The following UBE3A variants were observed in gnomAD, a reference collection of about 807,000 sequenced individuals.
The protein encoded by UBE3A is ubiquitin-protein ligase E3A.
A neutral mutation model predicts 83.4 loss-of-function variants in UBE3A; 6 were observed. The ratio of observed to expected loss-of-function variants is 0.07; its 90% confidence interval spans 0.04 to 0.14. UBE3A has a LOEUF of 0.14. UBE3A is among the 10% of genes least tolerant of loss of function. UBE3A has a pLI of 1.00. For missense variants in UBE3A, 456 were observed against 1,036.1 expected (o/e 0.44, Z 7.69); for synonymous variants, 337 against 355.4 (o/e 0.95, Z 0.58).
In UBE3A at chr15:25,360,511, A is replaced by G; in HGVS notation, c.1625T>C (p.Met542Thr). The G allele has an allele frequency of 6.2e-7, 1 of 1,613,708 alleles. No homozygotes were observed. The highest frequency in any genetic ancestry group is 8.5e-7 in the Non-Finnish European group (1 of 1,179,916). Residue 542 changes from methionine (M) to threonine (T), a missense_variant, in exon 7 of 13, where the codon ATG (methionine) becomes ACG (threonine). Transcript: ENST00000648336. Reference sequence around the variant, plus strand: ...CTTCTTCAAGTCTGCAGGATTTTCCATAGCGATCATCTCTAGCTAGTGATT... The same window carrying G: ...CTTCTTCAAGTCTGCAGGATTTTCCGTAGCGATCATCTCTAGCTAGTGATT... Reference protein sequence around the residue: ...DALVRLEMIAMENPADLKKQL... With the variant: ...DALVRLEMIATENPADLKKQL...
At chr15:25,432,082 C>T (rs149650803) in intron 1 of UBE3A, among the ~76,000 whole-genome samples, 28 of 152,064 alleles carry the variant, frequency 1.8e-4, no homozygotes, top group Middle Eastern at 3.4e-3. Flanking sequence ...GTTGGAAGTA[C>T]GAAAGGAAGA....
At position 25,355,997 on chromosome 15, in the gene UBE3A, C is replaced by T; in HGVS notation, c.2019G>A (p.Met673Ile). The change falls in exon 9 of 13, where the codon ATG becomes ATA. Residue 673 changes from methionine (M) to isoleucine (I), a missense_variant. Transcript: ENST00000648336. Reference protein sequence around the residue: ...LEYEGNVEDDMMITFQISQTD... With the variant: ...LEYEGNVEDDIMITFQISQTD... ...TCTGTGATATCTGGAAAGTGATCAT[C>T]ATGTCATCTTCCACATTCCCTTCAT... The T allele has an allele frequency of 6.2e-7, 1 of 1,613,712 alleles. No homozygotes were observed. The highest frequency in any genetic ancestry group is 8.5e-7 in the Non-Finnish European group (1 of 1,179,784).
intron 5 of UBE3A, among the ~76,000 whole-genome samples, chr15:25,372,547 C>T (rs2152828978): frequency 6.6e-6 from 1 of 152,308 alleles, no homozygotes; most frequent in Non-Finnish European, 1.5e-5. Flanking sequence ...ATGTAGTCAT[C>T]AAAATCTATT....
chr15:25,371,604 C>A lies in UBE3A; in HGVS notation c.570G>T (p.Lys190Asn), dbSNP rs780715298. ...CAGCAGCAGAACATGCAGCTTTTTC[C>A]TTTTCATCTTCATCTTTGTCTTCAT... ...AKDEDKDEDE[K>N]EKAACSAAAM... The change falls in exon 6 of 13, where the codon AAG becomes AAT. Residue 190 changes from lysine (K) to asparagine (N), a missense_variant. By Grantham distance (94) the Lys-to-Asn change is moderately conservative (BLOSUM62 0). Coordinates refer to ENST00000648336, the MANE Select transcript of UBE3A (RefSeq NM_130839.5). The surrounding 1 kb of genome is among the most constrained non-coding windows in gnomAD (Gnocchi z 5.3). The A allele has an allele frequency of 7.4e-6, 12 of 1,613,926 alleles. No individual in the cohort carries two copies. The African/African-American group carries it at 1.6e-4, about 22-fold the overall frequency.
At chr15:25,355,011 CATACTT>C (rs1432068168) in intron 9 of UBE3A, among the ~76,000 whole-genome samples, 5 of 152,270 alleles carry the variant, frequency 3.3e-5, no homozygotes, top group Admixed American at 2.0e-4. Context: ...ACAAAACTGT[CATACTT>C]ATAAATGTCA....
chr15:25,346,868 T>C (rs546345863), intron 11 of UBE3A: 1 of 152,244 alleles, frequency 6.6e-6, no homozygotes, highest in East Asian at 1.9e-4. Context: ...TGACTCAACA[T>C]TTGTATCATT....
rs1485574838 is a variant in UBE3A, at chr15:25,395,254, T to C, written c.62+10207A>G. 2.0e-5 allele frequency among the ~76,000 whole-genome samples: 3 copies of C among 152,178 alleles called. No homozygotes were observed. In the East Asian group the frequency reaches 5.8e-4, roughly 29 times the overall value. On this transcript the variant is annotated intron_variant, in intron 4 of 12. Transcript: ENST00000648336. ...CATGTAAATCTCCAGATTTTACTTT[T>C]AAGATGGGAAGCCTCTGAAAAGTTC...
At chr15:25,389,140 C>G (rs1240808740) in intron 4 of UBE3A, among the ~76,000 whole-genome samples, 1 of 151,912 alleles carries the variant, frequency 6.6e-6, no homozygotes, top group Non-Finnish European at 1.5e-5. Flanking sequence ...GAATAGAGAG[C>G]CCAGAAATGG....
rs80152524 is a variant in UBE3A at position 25,364,632 on chromosome 15, GTTTT to G, written c.1609-4109_1609-4106del. ...TACAATACACACGTGGATTTTTAGG[GTTTT>G]TTTTGTTTGTTTTTTTTTTTTTTTT... On this transcript the variant is annotated intron_variant, in intron 6 of 12. Coordinates refer to ENST00000648336, the MANE Select transcript of UBE3A (RefSeq NM_130839.5). Among the ~76,000 whole-genome samples, 145 of 121,154 alleles carry G rather than the reference GTTTT, an allele frequency of 1.2e-3. 3 individuals carry two copies. The highest frequency in any genetic ancestry group is 3.3e-3 in the African/African-American group (92 of 27,988). The allele number at this position is 121,154 out of a possible 152,430, so 79.5% of individuals were successfully genotyped here.
chr15:25,345,385 A>T (rs1016992962), intron 11 of UBE3A, among the ~76,000 whole-genome samples: 3 of 152,164 alleles, frequency 2.0e-5, no homozygotes, highest in Admixed American at 6.5e-5. Context: ...TCAGTAATAA[A>T]AACCAAAAAA....
chr15:25,420,656 C>G (rs568282506), intron 1 of UBE3A: 1 of 152,176 alleles, frequency 6.6e-6, no homozygotes, highest in African/African-American at 2.4e-5. Flanking sequence ...CAGAAATTAC[C>G]AAGTGTTAGA....
chr15:25,349,005 A>T (rs1050683055), intron 11 of UBE3A, among the ~76,000 whole-genome samples: 2 of 152,220 alleles, frequency 1.3e-5, no homozygotes, highest in African/African-American at 4.8e-5. Flanking sequence ...AACCTAATGA[A>T]AAAGTTGTGG....
At chr15:25,385,263 C>CT (rs1486242277) in intron 4 of UBE3A, among the ~76,000 whole-genome samples, 1 of 152,094 alleles carries the variant, frequency 6.6e-6, no homozygotes, top group Non-Finnish European at 1.5e-5. Context: ...AACAAAAAAT[C>CT]TAGTTAAAAA....
intron 1 of UBE3A, among the ~76,000 whole-genome samples, chr15:25,433,421 C>T (rs11161176): frequency 0.63 from 95,225 of 151,910 alleles, 33,056 homozygotes; most frequent in Non-Finnish European, 0.78. Flanking sequence ...CTCCTGATCT[C>T]GTGATCCGCC....
chr15:25,388,728 C>G (rs2083652513), intron 4 of UBE3A, among the ~76,000 whole-genome samples: 1 of 144,440 alleles, frequency 6.9e-6, no homozygotes. Flanking sequence ...AAAAGAAAAA[C>G]AACAAAAACC....
intron 4 of UBE3A, among the ~76,000 whole-genome samples, chr15:25,399,924 G>A (rs898805666): frequency 4.6e-5 from 7 of 151,946 alleles, no homozygotes; most frequent in Admixed American, 1.3e-4. Flanking sequence ...CTGTAGCTTT[G>A]AACTATATTT....
Position 25,384,832 on chromosome 15 carries a change from C to G in UBE3A, c.63-9069G>C, listed in dbSNP as rs28862383. Among the ~76,000 whole-genome samples the G allele has an allele frequency of 4.5e-3, 692 of 152,126 alleles. 2 individuals carry two copies. Among genetic ancestry groups the G allele is most frequent in the African/African-American group, 0.015 (612 of 41,492 alleles). ...AAGACAGATATACAGACCAAGTGAGCAGAAGAGAGAACACAGAAATAGGGA... is the reference window on the plus strand; with the variant it reads ...AAGACAGATATACAGACCAAGTGAGGAGAAGAGAGAACACAGAAATAGGGA... On this transcript the variant is annotated intron_variant, in intron 4 of 12. Coordinates refer to ENST00000648336, the MANE Select transcript of UBE3A (RefSeq NM_130839.5).
intron 1 of UBE3A, among the ~76,000 whole-genome samples, chr15:25,420,447 A>T (rs2153146887): frequency 6.6e-6 from 1 of 152,306 alleles, no homozygotes; most frequent in African/African-American, 2.4e-5. Flanking sequence ...GTAATTAGTA[A>T]GTGGACAGAA....
chr15:25,375,472 A>G lies in UBE3A; in HGVS notation c.354T>C (p.Asp118=), dbSNP rs754504668. 6.2e-7 allele frequency: 1 copy of G among 1,613,952 alleles called. No individual in the cohort carries two copies. Among genetic ancestry groups the G allele is most frequent in the Non-Finnish European group, 8.5e-7 (1 of 1,180,018 alleles). The change falls in exon 5 of 13, where the codon GAT becomes GAC. Residue 118 remains aspartate (D), a synonymous_variant. Coordinates refer to ENST00000648336, the MANE Select transcript of UBE3A (RefSeq NM_130839.5). ...GAAAATAAAACATCTTACCTTTAAA[A>G]TCAATTCTAGCGCCTTTCTTGTTCA... is the stretch of plus-strand genomic sequence containing the variant. ...IKMNKKGARI[D]FKDVTYLTEE...
Sources: gnomAD v4.1 joint callset for allele counts (sites outside exome capture counted in the v4.1 genomes callset) on GRCh38, gnomAD v4.1.1 for gene constraint, Gnocchi (gnomAD v3.1) non-coding constraint, MANE v1.5 for transcripts, NCBI Gene and HGNC (gene_info 2026-07-23, HGNC 2026-07-21) for gene names.